The following CLCN4 variants were observed in gnomAD, a reference collection of about 807,000 sequenced individuals.
CLCN4 encodes the protein Cl-/H+ antiporter 4, also known as H(+)/Cl(-) exchange transporter 4.
In CLCN4, 1 loss-of-function variant was observed where a neutral mutation model predicts 41.7. That is an observed-to-expected ratio of 0.02 (90% confidence interval 0.01 to 0.11). The LOEUF is 0.11. Ranked by LOEUF, CLCN4 falls within the 10% of genes least tolerant of loss-of-function variation. The probability of loss-of-function intolerance (pLI) is 1.00; values close to 1 mark genes in which losing one functional copy is unlikely to be tolerated. For synonymous variants in CLCN4, 277 were observed against 285.8 expected (o/e 0.97, Z 0.31); for missense variants, 287 against 661.0 (o/e 0.43, Z 6.20).
chrX:10,195,346 T>C (rs747303030), intron 5 of CLCN4, among the ~76,000 whole-genome samples: 8 of 111,265 alleles, frequency 7.2e-5, no homozygotes, highest in African/African-American at 2.6e-4. Flanking sequence ...TTAAGCCTCA[T>C]ATTTGGCTTT....
intron 2 of CLCN4, among the ~76,000 whole-genome samples, chrX:10,165,617 C>T (rs1923229311): frequency 3.6e-5 from 4 of 112,291 alleles, no homozygotes; most frequent in African/African-American, 9.7e-5. Context: ...CCCGCAGTTT[C>T]GCGATGCTTC....
rs181502818 is a variant in CLCN4 at position 10,196,658 on chromosome X, G to A, written c.433-1281G>A. ...TGAAAATTAATTCCTTCAAATCTCA[G>A]AAGGAGACAGGGATCTTGAAATCTC... is the stretch of plus-strand genomic sequence containing the variant. On this transcript the variant is annotated intron_variant, in intron 5 of 12. Transcript: ENST00000380833. Among the ~76,000 whole-genome samples, 102 of 107,634 alleles carry A rather than the reference G, an allele frequency of 9.5e-4. 1 individual carries two copies. The highest frequency in any genetic ancestry group is 3.3e-3 in the African/African-American group (97 of 29,101). 93.5% of individuals were successfully genotyped at this position (107,634 alleles called of 115,157 possible). A position where few individuals can be genotyped will look rare whatever the true frequency, so the allele number is the denominator to read the frequency against.
intron 4 of CLCN4, among the ~76,000 whole-genome samples, chrX:10,190,016 C>CA (rs1231087993): frequency 3.7e-5 from 4 of 108,598 alleles, no homozygotes; most frequent in Non-Finnish European, 5.7e-5. Flanking sequence ...CTGTGGAGTC[C>CA]AAAAAAATAA....
At chrX:10,167,146 T>G (rs1249988861) in intron 2 of CLCN4, among the ~76,000 whole-genome samples, 1 of 111,956 alleles carries the variant, frequency 8.9e-6, no homozygotes, top group African/African-American at 3.3e-5. Context: ...TGAACATCCT[T>G]TTGCTCTGAG....
intron 3 of CLCN4, among the ~76,000 whole-genome samples, chrX:10,187,095 A>T (rs774453292): frequency 2.4e-4 from 27 of 111,982 alleles, no homozygotes; most frequent in Non-Finnish European, 2.8e-4. Context: ...TTAACCTTGA[A>T]AACAAAAGGA....
chrX:10,184,443 C>T (rs890548664), intron 2 of CLCN4, among the ~76,000 whole-genome samples: 1 of 111,814 alleles, frequency 8.9e-6, no homozygotes, highest in African/African-American at 3.3e-5. Flanking sequence ...CGATGCTCTG[C>T]CTTCCTGCTT....
chrX:10,210,368 AAC>A (rs766911541), intron 9 of CLCN4, among the ~76,000 whole-genome samples: 4 of 111,173 alleles, frequency 3.6e-5, no homozygotes, highest in Non-Finnish European at 7.6e-5. Context: ...AGTTTCATAA[AAC>A]ACACACACAC....
Position 10,191,692 on chromosome X carries a change from A to ATTTTTTTTT in CLCN4, c.245-3199_245-3191dup, listed in dbSNP as rs760315418. The stretch of plus-strand genomic sequence containing the variant: ...AGGCGCGTGCCACCATATCTGGTTA[A>ATTTTTTTTT]TTTTTTTTTTTTTTTTTTTTTTTTT... On this transcript the variant is annotated intron_variant, in intron 4 of 12. Coordinates refer to ENST00000380833, the MANE Select transcript of CLCN4 (RefSeq NM_001830.4). Among the ~76,000 whole-genome samples, 83 of 49,768 alleles carry ATTTTTTTTT rather than the reference A, an allele frequency of 1.7e-3. 6 individuals carry two copies. The highest frequency in any genetic ancestry group is 7.0e-3 in the African/African-American group (76 of 10,844). The allele number at this position is 49,768 out of a possible 115,157, so 43.2% of individuals were successfully genotyped here.
Position 10,212,502 on chromosome X carries a change from G to A in CLCN4, c.1425G>A (p.Val475=), listed in dbSNP as rs1344245477. 8.3e-7 allele frequency: 1 copy of A among 1,210,106 alleles called. No individual in the cohort carries two copies. Among genetic ancestry groups the A allele is most frequent in the African/African-American group, 1.8e-5 (1 of 57,120 alleles). The change falls in exon 10 of 13, where the codon GTG becomes GTA. Residue 475 remains valine (V), a synonymous_variant. Transcript: ENST00000380833. Reference sequence around the variant, plus strand: ...GCCTCTTCATCCCCAGCATGGCTGTGGGCGCGATAGCGGGCAGGATGGTGG... The same window carrying A: ...GCCTCTTCATCCCCAGCATGGCTGTAGGCGCGATAGCGGGCAGGATGGTGG... ...PSGLFIPSMA[V]GAIAGRMVGI...
At chrX:10,194,871 T>C in intron 4 of CLCN4, 40 bp from the exon 5 acceptor site, 3 of 1,189,500 alleles carry the variant, frequency 2.5e-6, no homozygotes, top group Non-Finnish European at 3.4e-6. Context: ...TGTCGCATCA[T>C]GGGGCGATTC....
chrX:10,195,498 G>T (rs935157963), intron 5 of CLCN4, among the ~76,000 whole-genome samples: 15 of 111,943 alleles, frequency 1.3e-4, no homozygotes, highest in Non-Finnish European at 2.8e-4. Context: ...GCTTTAGTGA[G>T]ATAAATTCAC....
intron 12 of CLCN4, among the ~76,000 whole-genome samples, chrX:10,230,126 T>C (rs1230708338): frequency 8.9e-6 from 1 of 112,068 alleles, no homozygotes; most frequent in African/African-American, 3.2e-5. Flanking sequence ...CCCTATAGAG[T>C]TGTTTGAGCT....
chrX:10,204,613 C>CTTTTTTTTTTTTTTTTTTTTTTTTTTT lies in CLCN4; in HGVS notation c.556-1735_556-1709dup, dbSNP rs61453535. 2.6e-4 allele frequency among the ~76,000 whole-genome samples: 7 copies of CTTTTTTTTTTTTTTTTTTTTTTTTTTT among 27,345 alleles called. 3 individuals are homozygous for CTTTTTTTTTTTTTTTTTTTTTTTTTTT. The highest frequency in any genetic ancestry group is 5.5e-4 in the Non-Finnish European group (6 of 10,921). The allele number at this position is 27,345 out of a possible 115,157, so 23.7% of individuals were successfully genotyped here. On this transcript the variant is annotated intron_variant, in intron 6 of 12. Transcript: ENST00000380833. ...CTATTCTCACCAGAAAGCTAGTAGT[C>CTTTTTTTTTTTTTTTTTTTTTTTTTTT]TTTTTTTTTTTTTTTTTTTTTTTTT...
chrX:10,177,922 C>T (rs1231063922), intron 2 of CLCN4, among the ~76,000 whole-genome samples: 4 of 111,897 alleles, frequency 3.6e-5, no homozygotes, highest in Non-Finnish European at 7.5e-5. Context: ...TACAGCCACA[C>T]AATGGAATCT....
In CLCN4 at chrX:10,217,898, A is replaced by C. The variant is rs774015251; in HGVS notation, c.1976-2763A>C. ...GATGGGACTACAGGCGCATGCCACC[A>C]GGCGTGGCTAATTTTTGTATTTTTA... is the stretch of plus-strand genomic sequence containing the variant. On this transcript the variant is annotated intron_variant, in intron 11 of 12. Coordinates refer to ENST00000380833, the MANE Select transcript of CLCN4 (RefSeq NM_001830.4). 1.4e-4 allele frequency among the ~76,000 whole-genome samples: 15 copies of C among 111,033 alleles called. No individual in the cohort carries two copies. The East Asian group carries it at 4.2e-3, about 31-fold the overall frequency.
At chrX:10,163,515 C>G (rs1187433035) in intron 2 of CLCN4, among the ~76,000 whole-genome samples, 2 of 109,569 alleles carry the variant, frequency 1.8e-5, no homozygotes, top group Non-Finnish European at 3.8e-5. Flanking sequence ...TCAAGTGATT[C>G]TCCTGCCTCA....
intron 12 of CLCN4, among the ~76,000 whole-genome samples, chrX:10,232,084 CCT>C (rs1299138394): frequency 2.7e-5 from 3 of 111,804 alleles, no homozygotes; most frequent in Non-Finnish European, 5.6e-5. Context: ...TCACTATTTT[CCT>C]CTCTCCTAAA....
At chrX:10,222,724 A>T (rs1924890007) in intron 12 of CLCN4, among the ~76,000 whole-genome samples, 1 of 111,593 alleles carries the variant, frequency 9.0e-6, no homozygotes, top group Admixed American at 9.5e-5. Flanking sequence ...TGTATAGCCA[A>T]ATGAGCAATC....
At chrX:10,215,796 A>C (rs138440897) in intron 11 of CLCN4, among the ~76,000 whole-genome samples, 81 of 112,264 alleles carry the variant, frequency 7.2e-4, no homozygotes, top group African/African-American at 2.5e-3. Context: ...TAGAGAAGAA[A>C]TTTAAGCTTA....
Sources: allele counts gnomAD v4.1 joint callset (sites outside exome capture counted in the v4.1 genomes callset), GRCh38; gene constraint gnomAD v4.1.1; transcripts MANE v1.5; gene names NCBI Gene and HGNC (gene_info 2026-07-23, HGNC 2026-07-21).